UIMC1: variants seen among roughly 807,000 people sequenced by gnomAD.
The protein encoded by UIMC1 is ubiquitin interaction motif containing 1, also known as BRCA1-A complex subunit RAP80.
A neutral mutation model predicts 84.9 loss-of-function variants in UIMC1; 42 were observed. The ratio of observed to expected loss-of-function variants is 0.49; its 90% CI spans 0.39 to 0.64. The LOEUF (loss-of-function observed/expected upper bound fraction) is 0.64, where lower values mean the gene tolerates loss of function less well. Ranked by LOEUF, UIMC1 falls within the 30% of genes least tolerant of loss-of-function variation. UIMC1 has a pLI of 0.00. For synonymous variants in UIMC1, 281 were observed against 293.0 expected (o/e 0.96, Z 0.42); for missense variants, 825 against 847.6 (o/e 0.97, Z 0.33).
intron 6 of UIMC1, among the ~76,000 whole-genome samples, chr5:176,958,746 T>C (rs550426872): frequency 7.2e-5 from 11 of 152,378 alleles, no homozygotes; most frequent in African/African-American, 2.4e-4. Context: ...TACAGGATTA[T>C]CTTTTCAGAA....
Position 176,907,136 on chromosome 5 carries a change from T to C in UIMC1, c.1890A>G (p.Glu630=), listed in dbSNP as rs933380580. 6.2e-7 allele frequency: 1 copy of C among 1,613,786 alleles called. No individual in the cohort carries two copies. The highest frequency in any genetic ancestry group is 1.3e-5 in the African/African-American group (1 of 74,900). ...CACCTGAAGTCTTGTGCTCAGACTG[T>C]TCCAAGAAACTAAGGAGTCGGCCTT... ...HSEGRLLSFL[E]QSEHKTSDAD... is the part of the protein sequence containing the mutation. The change falls in exon 13 of 15, where the codon GAA becomes GAG. Residue 630 remains glutamate, a synonymous_variant. Transcript: ENST00000511320.
chr5:176,918,280 T>C (rs924991606), intron 10 of UIMC1, among the ~76,000 whole-genome samples: 10 of 152,232 alleles, frequency 6.6e-5, no homozygotes, highest in African/African-American at 1.9e-4. Flanking sequence ...AAGTTGCAGT[T>C]TTTGTAACTT....
chr5:176,954,327 G>A (rs1409000424), intron 8 of UIMC1, among the ~76,000 whole-genome samples: 1 of 152,164 alleles, frequency 6.6e-6, no homozygotes, highest in Non-Finnish European at 1.5e-5. Flanking sequence ...AGGTAGCACA[G>A]TATTCTTGAG....
intron 10 of UIMC1, among the ~76,000 whole-genome samples, chr5:176,936,817 C>T (rs998205770): frequency 1.3e-5 from 2 of 152,164 alleles, no homozygotes; most frequent in Non-Finnish European, 2.9e-5. Flanking sequence ...TCCCTGATCA[C>T]CTATTTTATA....
intron 13 of UIMC1, 77 bp from the exon 14 acceptor site, chr5:176,906,124 C>T (rs55649661): frequency 6.9e-7 from 1 of 1,456,542 alleles, no homozygotes; most frequent in Non-Finnish European, 9.5e-7. Flanking sequence ...TCTTTTGCTT[C>T]CGTGCTCTAG....
chr5:176,907,707 G>A (rs886188959), intron 12 of UIMC1, among the ~76,000 whole-genome samples: 16 of 152,146 alleles, frequency 1.1e-4, no homozygotes, highest in African/African-American at 3.9e-4. Flanking sequence ...CAGTGACCAG[G>A]GCCCAGACCT....
intron 10 of UIMC1, among the ~76,000 whole-genome samples, chr5:176,923,674 G>C (rs1761986393): frequency 1.3e-5 from 2 of 151,708 alleles, no homozygotes; most frequent in African/African-American, 4.8e-5. Flanking sequence ...GACCAGCCTG[G>C]CCAACTTGGT....
intron 8 of UIMC1, among the ~76,000 whole-genome samples, chr5:176,954,492 T>C (rs780408469): frequency 2.0e-5 from 3 of 151,992 alleles, no homozygotes; most frequent in Non-Finnish European, 4.4e-5. Context: ...CCCAGCACTT[T>C]AGGAAGCCAA....
chr5:176,908,344 A>C (rs1037415257), intron 12 of UIMC1, among the ~76,000 whole-genome samples, 179 bp downstream of exon 12: 37 of 152,214 alleles, frequency 2.4e-4, no homozygotes, highest in African/African-American at 8.4e-4. Context: ...CTCTACAATG[A>C]ACATGTATTA....
Position 177,022,499 on chromosome 5 carries a change from C to A in UIMC1, c.-44G>T, listed in dbSNP as rs953103198. 8.9e-5 allele frequency: 44 copies of A among 494,510 alleles called. No individual in the cohort carries two copies. The South Asian group carries it at 1.3e-3, about 14-fold the overall frequency. 30.6% of individuals were successfully genotyped at this position (494,510 alleles called of 1,614,324 possible). A position where few individuals can be genotyped will look rare whatever the true frequency, so the allele number is the denominator to read the frequency against. On this transcript the variant is annotated 5_prime_UTR_variant, in exon 1 of 6. Transcript: ENST00000509236. ...GTGAGAGCCATGAGCCAAAACCACA[C>A]GAGCCTCTCCGGGAGGGGGGGGTCA... is the stretch of plus-strand genomic sequence containing the variant.
intron 14 of UIMC1, 110 bp downstream of exon 14, chr5:176,905,901 G>C (rs1426193250): frequency 1.7e-6 from 2 of 1,200,050 alleles, no homozygotes; most frequent in Non-Finnish European, 2.5e-6. Flanking sequence ...TAGTTCCACA[G>C]TGATTTCTAC....
intron 6 of UIMC1, among the ~76,000 whole-genome samples, chr5:176,959,743 G>A (rs1767092821): frequency 7.7e-6 from 1 of 129,988 alleles, no homozygotes; most frequent in Admixed American, 7.9e-5. Flanking sequence ...AAAAATTATT[G>A]TGCTTTGGCC....
chr5:176,925,479 A>G (rs570951709), intron 10 of UIMC1, among the ~76,000 whole-genome samples: 80 of 152,334 alleles, frequency 5.3e-4, no homozygotes, highest in African/African-American at 1.9e-3. Context: ...CTATTTATTC[A>G]AAAGATGTGA....
At chr5:176,920,239 G>A (rs1761541534) in intron 10 of UIMC1, among the ~76,000 whole-genome samples, 1 of 151,988 alleles carries the variant, frequency 6.6e-6, no homozygotes, top group African/African-American at 2.4e-5. Flanking sequence ...CATTGGTAAG[G>A]CTAGTCTCGA....
intron 1 of UIMC1, chr5:177,001,389 T>A (rs1774422294): frequency 6.6e-6 from 1 of 152,096 alleles, no homozygotes; most frequent in Non-Finnish European, 1.5e-5. Context: ...GTGAAAGAAA[T>A]CAAAGATCTA....
chr5:176,927,014 T>A (rs181396722), intron 10 of UIMC1, among the ~76,000 whole-genome samples: 1 of 152,248 alleles, frequency 6.6e-6, no homozygotes, highest in Non-Finnish European at 1.5e-5. Context: ...AGTTACTGCA[T>A]AAGCGCATAC....
chr5:177,019,204 C>T (rs1775736664), intron 1 of UIMC1, among the ~76,000 whole-genome samples: 1 of 152,216 alleles, frequency 6.6e-6, no homozygotes, highest in Non-Finnish European at 1.5e-5. Context: ...AGCATGGGCT[C>T]GTACCTAACT....
At chr5:176,968,277 CAGG>C (rs1768623647) in intron 6 of UIMC1, among the ~76,000 whole-genome samples, 1 of 151,708 alleles carries the variant, frequency 6.6e-6, no homozygotes, top group South Asian at 2.1e-4. Context: ...AAGGCTGAGG[CAGG>C]AGAACTGCTT....
At chr5:176,940,226 G>T (rs1764249522) in intron 10 of UIMC1, among the ~76,000 whole-genome samples, 1 of 152,172 alleles carries the variant, frequency 6.6e-6, no homozygotes, top group Non-Finnish European at 1.5e-5. Flanking sequence ...AGGAAGACCG[G>T]CTTAACAGCA....
Sources: allele counts gnomAD v4.1 joint callset (sites outside exome capture counted in the v4.1 genomes callset), GRCh38; gene constraint gnomAD v4.1.1; transcripts MANE v1.5; gene names NCBI Gene and HGNC (gene_info 2026-07-23, HGNC 2026-07-21).